The following NXN variants were observed in gnomAD, a reference collection of about 807,000 sequenced individuals.
NXN encodes nucleoredoxin 1.
Under a neutral mutation model 48.6 loss-of-function variants are expected in NXN, and 16 were observed. The observed-to-expected ratio is 0.33, with a 90% CI of 0.22 to 0.50. The LOEUF (loss-of-function observed/expected upper bound fraction) is 0.50. Among genes scored for constraint, NXN ranks in the 20% least tolerant of loss-of-function variants. The pLI, the probability that NXN is intolerant of heterozygous loss-of-function variation, is 0.98. For synonymous variants in NXN, 281 were observed against 269.6 expected (o/e 1.04, Z -0.41); for missense variants, 492 against 605.5 (o/e 0.81, Z 1.97).
At chr17:816,177 C>T (rs1912461316) in intron 5 of NXN, among the ~76,000 whole-genome samples, 2 of 152,212 alleles carry the variant, frequency 1.3e-5, no homozygotes, top group East Asian at 3.8e-4. Context: ...AGGCCGAAAC[C>T]CCTTCCCACT....
At chr17:866,208 A>G (rs927403353) in intron 1 of NXN, among the ~76,000 whole-genome samples, 1 of 152,088 alleles carries the variant, frequency 6.6e-6, no homozygotes, top group African/African-American at 2.4e-5. Flanking sequence ...TTTAAATCAG[A>G]CGTTTCTTTT....
Position 819,515 on chromosome 17 carries a change from A to T in NXN, c.744T>A (p.Ser248Arg). Residue 248 changes from serine to arginine, a missense_variant, in exon 5 of 8, where the codon AGT (serine) becomes AGA (arginine). Coordinates refer to ENST00000336868, the MANE Select transcript of NXN (RefSeq NM_022463.5). ...AGGGGACGGCGAGCCAGGGCATCTCACTGAAGTACTGTTTGAAGGACTCCT... is the reference window on the plus strand; with the variant it reads ...AGGGGACGGCGAGCCAGGGCATCTCTCTGAAGTACTGTTTGAAGGACTCCT... ...RSEESFKQYF[S>R]EMPWLAVPYT... 1 of 1,610,638 alleles carries T rather than the reference A, an allele frequency of 6.2e-7. No individual in the cohort carries two copies. The highest frequency in any genetic ancestry group is 1.1e-5 in the South Asian group (1 of 90,792).
chr17:831,469 ATTTATTTAT>A (rs145851484), intron 1 of NXN, among the ~76,000 whole-genome samples: 57 of 43,562 alleles, frequency 1.3e-3, no homozygotes, highest in Admixed American at 7.3e-3. Flanking sequence ...TTATTTATTT[ATTTATTTAT>A]TTATTATTTT....
At chr17:965,072 G>T (rs149588975) in intron 1 of NXN, among the ~76,000 whole-genome samples, 4 of 152,274 alleles carry the variant, frequency 2.6e-5, no homozygotes, top group African/African-American at 9.6e-5. Flanking sequence ...ACTCTCAACC[G>T]CACACTGACT....
At chr17:933,557 A>T (rs886154159) in intron 1 of NXN, 2 of 152,124 alleles carry the variant, frequency 1.3e-5, no homozygotes, top group Non-Finnish European at 2.9e-5. Context: ...CACTTTCTGC[A>T]CCAGGACTCT....
intron 1 of NXN, among the ~76,000 whole-genome samples, chr17:972,243 G>A (rs969658584): frequency 4.0e-5 from 6 of 150,958 alleles, no homozygotes; most frequent in Admixed American, 1.3e-4. Flanking sequence ...CAGAGGTCAC[G>A]GTGAGCTGAG....
chr17:820,189 TC>T (rs1258175334), intron 4 of NXN, among the ~76,000 whole-genome samples: 1 of 152,208 alleles, frequency 6.6e-6, no homozygotes, highest in Non-Finnish European at 1.5e-5. Context: ...GTACCTTTGT[TC>T]CGTGCCTTGT....
chr17:924,942 T>C (rs906793562), intron 1 of NXN, among the ~76,000 whole-genome samples: 81 of 152,198 alleles, frequency 5.3e-4, no homozygotes, highest in African/African-American at 1.9e-3. Flanking sequence ...CAATTTGGGA[T>C]GGGGGTTGGG....
rs998046324 is a variant in NXN at position 874,405 on chromosome 17, G to A, written c.361-48327C>T. Among the ~76,000 whole-genome samples, 6 of 152,246 alleles carry A rather than the reference G, an allele frequency of 3.9e-5. No homozygotes were observed. The East Asian group carries it at 5.8e-4, about 15-fold the overall frequency. ...TTGAGACCAGCCTGGCCAAAATGGT[G>A]AAACCCCACCTCTGCTAAAAATAAA... On this transcript the variant is annotated intron_variant, in intron 1 of 7. Coordinates refer to ENST00000336868, the MANE Select transcript of NXN (RefSeq NM_022463.5).
At chr17:926,564 G>GTTTTTTTGTTTTTTTTTTT (rs2068802316) in intron 1 of NXN, among the ~76,000 whole-genome samples, 1 of 110,496 alleles carries the variant, frequency 9.1e-6, no homozygotes, top group African/African-American at 3.7e-5. Flanking sequence ...TTTTTTTTTT[G>GTTTTTTTGTTTTTTTTTTT]AGACAAGGTC....
At position 840,738 on chromosome 17, in the gene NXN, C is replaced by T. The variant is rs561353510; in HGVS notation, c.361-14660G>A. ...CTGCTAGCGTGACAGGCAGAGGATC[C>T]GATCGGCTGTGTCCTCCTTTTCTCT... On this transcript the variant is annotated intron_variant, in intron 1 of 7. Transcript: ENST00000336868. 6.0e-4 allele frequency among the ~76,000 whole-genome samples: 91 copies of T among 152,304 alleles called. 1 individual carries two copies. Among genetic ancestry groups the T allele is most frequent in the African/African-American group, 2.1e-3 (88 of 41,576 alleles).
intron 1 of NXN, among the ~76,000 whole-genome samples, chr17:829,530 T>C (rs1160380533): frequency 1.3e-5 from 2 of 151,614 alleles, no homozygotes; most frequent in African/African-American, 4.9e-5. Flanking sequence ...GGAATACATG[T>C]GCCATGGTAG....
At chr17:954,060 C>G (rs1052964362) in intron 1 of NXN, among the ~76,000 whole-genome samples, 1 of 152,198 alleles carries the variant, frequency 6.6e-6, no homozygotes, top group Non-Finnish European at 1.5e-5. Context: ...CAAGATGATT[C>G]TTGAATAACT....
intron 1 of NXN, among the ~76,000 whole-genome samples, chr17:854,339 G>C (rs965203835): frequency 1.3e-5 from 2 of 152,130 alleles, no homozygotes; most frequent in Non-Finnish European, 2.9e-5. Context: ...CTGCTCACCT[G>C]AGTGGAGATT....
chr17:877,197 G>T (rs2068226115), intron 1 of NXN, among the ~76,000 whole-genome samples: 1 of 152,008 alleles, frequency 6.6e-6, no homozygotes, highest in Admixed American at 6.6e-5. Context: ...GCCCAGGCTG[G>T]AGTGCAGTGG....
At chr17:886,248 T>C (rs566074064) in intron 1 of NXN, among the ~76,000 whole-genome samples, 112 of 152,180 alleles carry the variant, frequency 7.4e-4, no homozygotes, top group African/African-American at 2.6e-3. Flanking sequence ...GTTCTTAGAA[T>C]CTCTCCAACA....
chr17:869,288 G>A (rs1379660782), intron 1 of NXN, among the ~76,000 whole-genome samples: 3 of 152,132 alleles, frequency 2.0e-5, no homozygotes, highest in East Asian at 1.9e-4. Context: ...TAAGAGGGCC[G>A]TCCAGAACTG....
intron 5 of NXN, 79 bp downstream of exon 5, chr17:819,360 A>T: frequency 1.0e-6 from 1 of 968,400 alleles, no homozygotes; most frequent in Non-Finnish European, 1.7e-6. Context: ...TCTTCTTCTT[A>T]AAGGAAAGCC....
chr17:881,288 C>A (rs958760687), intron 1 of NXN, among the ~76,000 whole-genome samples: 4 of 152,226 alleles, frequency 2.6e-5, no homozygotes, highest in African/African-American at 9.6e-5. Flanking sequence ...CTCACTGTTA[C>A]CCAGGCTGGA....
Sources: gnomAD v4.1 joint callset for allele counts (sites outside exome capture counted in the v4.1 genomes callset) on GRCh38, gnomAD v4.1.1 for gene constraint, MANE v1.5 for transcripts, NCBI Gene and HGNC (gene_info 2026-07-23, HGNC 2026-07-21) for gene names.